GNAZ: variants seen among roughly 807,000 people sequenced by gnomAD.
GNAZ encodes the protein G protein subunit alpha z.
In GNAZ, 3 loss-of-function variants were observed where a neutral mutation model predicts 25.4. That is an observed-to-expected ratio of 0.12 (90% CI 0.05 to 0.30). The LOEUF is 0.30. Among genes scored for constraint, GNAZ ranks in the 10% least tolerant of loss-of-function variants. The pLI is 1.00. For missense variants in GNAZ, 241 were observed against 501.8 expected (o/e 0.48, Z 4.97); for synonymous variants, 211 against 205.7 (o/e 1.03, Z -0.22).
intron 2 of GNAZ, among the ~76,000 whole-genome samples, chr22:23,118,442 T>C (rs2069912323): frequency 6.6e-6 from 1 of 152,148 alleles, no homozygotes; most frequent in Non-Finnish European, 1.5e-5. Flanking sequence ...CAGCAGTGAA[T>C]GGTGGTGTGT....
rs764243156 is a variant in GNAZ, at chr22:23,123,797, G to A, written c.*366G>A. On this transcript the variant is annotated 3_prime_UTR_variant, in exon 3 of 3. Coordinates refer to ENST00000615612, the MANE Select transcript of GNAZ (RefSeq NM_002073.4). Reference sequence around the variant, plus strand: ...TTGGGGGTCTGCATTGGATTGTTAGGGATAGGCAGCAGGGCTGAGGCAAGG... The same window carrying A: ...TTGGGGGTCTGCATTGGATTGTTAGAGATAGGCAGCAGGGCTGAGGCAAGG... 3.0e-5 allele frequency: 8 copies of A among 264,290 alleles called. No individual in the cohort carries two copies. Among genetic ancestry groups the A allele is most frequent in the Non-Finnish European group, 5.8e-5 (8 of 137,178 alleles). 16.4% of individuals were successfully genotyped at this position (264,290 alleles called of 1,614,324 possible).
intron 2 of GNAZ, among the ~76,000 whole-genome samples, chr22:23,105,971 T>A (rs776460851): frequency 3.3e-5 from 5 of 152,126 alleles, no homozygotes; most frequent in Non-Finnish European, 4.4e-5. Flanking sequence ...CCTTTCTGGG[T>A]CTGGGTGTGA....
At chr22:23,100,054 G>A (rs545538695) in intron 2 of GNAZ, among the ~76,000 whole-genome samples, 56 of 152,376 alleles carry the variant, frequency 3.7e-4, no homozygotes, top group African/African-American at 1.3e-3. Flanking sequence ...ATTTCCCGAC[G>A]GAGCTGTCAG....
intron 1 of GNAZ, among the ~76,000 whole-genome samples, chr22:23,090,426 A>T (rs962802673): frequency 6.6e-6 from 1 of 152,106 alleles, no homozygotes; most frequent in Non-Finnish European, 1.5e-5. Flanking sequence ...GGATGTTTGC[A>T]TCCAGGAGCC....
At chr22:23,106,018 C>T (rs552993028) in intron 2 of GNAZ, among the ~76,000 whole-genome samples, 4 of 152,284 alleles carry the variant, frequency 2.6e-5, no homozygotes, top group South Asian at 2.1e-4. Flanking sequence ...CAGGCCCTTT[C>T]GGAGCAAATG....
At chr22:23,117,872 G>C (rs1331697968) in intron 2 of GNAZ, among the ~76,000 whole-genome samples, 1 of 152,208 alleles carries the variant, frequency 6.6e-6, no homozygotes, top group Admixed American at 6.5e-5. Flanking sequence ...TCAGGAGTGA[G>C]AGGCCTCACC....
intron 2 of GNAZ, among the ~76,000 whole-genome samples, chr22:23,105,756 A>G (rs2069451851): frequency 6.6e-6 from 1 of 152,240 alleles, no homozygotes; most frequent in Non-Finnish European, 1.5e-5. Context: ...CCCTTCAGCG[A>G]CTGACACTGG....
In GNAZ at chr22:23,088,967, G is replaced by T. The variant is rs144777055; in HGVS notation, c.-449-6280G>T. Reference sequence around the variant, plus strand: ...CCAGTCACAGTCTGGGTACAGTTCCGTCTCCTCAACAAGCCTAAACTATCT... The same window carrying T: ...CCAGTCACAGTCTGGGTACAGTTCCTTCTCCTCAACAAGCCTAAACTATCT... On this transcript the variant is annotated intron_variant, in intron 1 of 2. Coordinates refer to ENST00000615612, the MANE Select transcript of GNAZ (RefSeq NM_002073.4). Among the ~76,000 whole-genome samples, 235 of 152,310 alleles carry T rather than the reference G, an allele frequency of 1.5e-3. 1 individual carries two copies. The highest frequency in any genetic ancestry group is 0.01 in the Middle Eastern group (3 of 294).
intron 2 of GNAZ, among the ~76,000 whole-genome samples, chr22:23,106,752 C>T (rs905072434): frequency 6.6e-6 from 1 of 152,252 alleles, no homozygotes; most frequent in Non-Finnish European, 1.5e-5. Context: ...AACCTCTAAG[C>T]CTCCCAGCCC....
At chr22:23,115,571 C>A (rs1449034097) in intron 2 of GNAZ, among the ~76,000 whole-genome samples, 1 of 152,038 alleles carries the variant, frequency 6.6e-6, no homozygotes, top group Non-Finnish European at 1.5e-5. Context: ...ATACCCCTTC[C>A]TAGAACAGGA....
In GNAZ at chr22:23,095,909, C is replaced by A. The variant is rs1318832362; in HGVS notation, c.214C>A (p.Leu72Ile). ...GGAGGCCTGCAAGGAGTACAAGCCC[C>A]TCATCATCTACAATGCCATCGACTC... ...NLEACKEYKP[L>I]IIYNAIDSLT... Residue 72 changes from leucine (L) to isoleucine (I), a missense_variant, in exon 2 of 3, where the codon CTC becomes ATC. Coordinates refer to ENST00000615612, the MANE Select transcript of GNAZ (RefSeq NM_002073.4). 3.1e-6 allele frequency: 5 copies of A among 1,613,766 alleles called. No homozygotes were observed. The highest frequency in any genetic ancestry group is 4.2e-6 in the Non-Finnish European group (5 of 1,180,042).
intron 2 of GNAZ, among the ~76,000 whole-genome samples, chr22:23,102,342 T>C (rs897472756): frequency 5.3e-5 from 8 of 152,218 alleles, no homozygotes; most frequent in African/African-American, 1.9e-4. Context: ...CAGCATGTCC[T>C]GGCACCTATT....
intron 2 of GNAZ, among the ~76,000 whole-genome samples, chr22:23,105,856 G>A (rs1414697178): frequency 6.6e-6 from 1 of 152,214 alleles, no homozygotes; most frequent in Non-Finnish European, 1.5e-5. Flanking sequence ...AAACAGAAGT[G>A]GACTGGGGCT....
chr22:23,076,014 A>G (rs1027156216), intron 1 of GNAZ, among the ~76,000 whole-genome samples: 1 of 152,180 alleles, frequency 6.6e-6, no homozygotes, highest in Non-Finnish European at 1.5e-5. Flanking sequence ...GCAGCCCCGC[A>G]TCTGGGCAGC....
chr22:23,099,310 G>A (rs189616840), intron 2 of GNAZ, among the ~76,000 whole-genome samples: 1 of 152,372 alleles, frequency 6.6e-6, no homozygotes, highest in African/African-American at 2.4e-5. Context: ...GCCACATGGG[G>A]AGCCACGCCC....
In GNAZ at chr22:23,070,942, TGCGGGAGCGGCGCTGAG is replaced by T. The variant is rs996920403; in HGVS notation, c.-450+378_-450+394del. Among the ~76,000 whole-genome samples, 154 of 151,870 alleles carry T rather than the reference TGCGGGAGCGGCGCTGAG, an allele frequency of 1.0e-3. 1 individual carries two copies. The highest frequency in any genetic ancestry group is 3.5e-3 in the African/African-American group (145 of 41,412). On this transcript the variant is annotated intron_variant, in intron 1 of 2. Coordinates refer to ENST00000615612, the MANE Select transcript of GNAZ (RefSeq NM_002073.4). ...CGGAGCCCGGGCGGGCCAGGCGAGC[TGCGGGAGCGGCGCTGAG>T]GCGGGTCTCCCTAGGGGGAGGATCA...
At chr22:23,101,271 A>G (rs1012162608) in intron 2 of GNAZ, among the ~76,000 whole-genome samples, 5 of 152,094 alleles carry the variant, frequency 3.3e-5, no homozygotes, top group African/African-American at 1.2e-4. Flanking sequence ...GCTCTCAGGG[A>G]GGGTCCTGGC....
At chr22:23,115,739 T>A (rs2069812819) in intron 2 of GNAZ, among the ~76,000 whole-genome samples, 1 of 152,222 alleles carries the variant, frequency 6.6e-6, no homozygotes, top group Non-Finnish European at 1.5e-5. Flanking sequence ...GGGGCTCATG[T>A]TTGAGCCATT....
chr22:23,110,588 C>T (rs2069616923), intron 2 of GNAZ, among the ~76,000 whole-genome samples: 1 of 152,268 alleles, frequency 6.6e-6, no homozygotes, highest in African/African-American at 2.4e-5. Flanking sequence ...AGCAGATGGG[C>T]AGTAGACAGT....
Sources: gnomAD v4.1 joint callset for allele counts (sites outside exome capture counted in the v4.1 genomes callset) on GRCh38, gnomAD v4.1.1 for gene constraint, MANE v1.5 for transcripts, NCBI Gene and HGNC (gene_info 2026-07-23, HGNC 2026-07-21) for gene names.